PROSER2: variants seen among roughly 807,000 people sequenced by gnomAD.
The protein encoded by PROSER2 is proline and serine-rich protein 2.
In PROSER2, 18 loss-of-function variants were observed where a neutral mutation model predicts 14.6. The observed-to-expected ratio is 1.23, with a 90% confidence interval of 0.85 to 1.83. The LOEUF (loss-of-function observed/expected upper bound fraction) is 1.83, where lower values mean the gene tolerates loss of function less well. Among genes scored for constraint, PROSER2 ranks in the 40% most tolerant of loss-of-function variants. The pLI, the probability that PROSER2 is intolerant of heterozygous loss-of-function variation, is 0.00. For missense variants in PROSER2, 823 were observed against 629.8 expected, an observed-to-expected ratio of 1.31 and a Z score of -3.28; for synonymous variants, 367 against 286.4, an observed-to-expected ratio of 1.28 and a Z score of -2.84.
At chr10:11,842,931 CTTTTTTTTT>C (rs558283551) in intron 1 of PROSER2, among the ~76,000 whole-genome samples, 11 of 51,960 alleles carry the variant, frequency 2.1e-4, no homozygotes, top group East Asian at 1.1e-3. Flanking sequence ...TGCCATTGTT[CTTTTTTTTT>C]TTTTTTTTTT....
chr10:11,846,090 G>A (rs1353237137), intron 1 of PROSER2, among the ~76,000 whole-genome samples: 1 of 152,064 alleles, frequency 6.6e-6, no homozygotes, highest in Admixed American at 6.6e-5. Context: ...GGTTTCAAGC[G>A]ACCCTCCTGC....
intron 1 of PROSER2, among the ~76,000 whole-genome samples, chr10:11,843,410 G>A (rs1315794962): frequency 1.3e-5 from 2 of 150,230 alleles, no homozygotes. Context: ...AAAAAAGGCC[G>A]GGTGCGGTGG....
In PROSER2 at chr10:11,869,994, CG is replaced by C; in HGVS notation, c.901del (p.Asp301ThrfsTer52). The C allele has an allele frequency of 7.9e-7, 1 of 1,260,066 alleles. No individual in the cohort carries two copies. The allele number at this position is 1,260,066 out of a possible 1,614,324, so 78.1% of individuals were successfully genotyped here. On this transcript the variant is annotated frameshift_variant, in exon 4 of 4. Transcript: ENST00000277570. LOFTEE classifies it low-confidence loss of function (END_TRUNC). The surrounding 1 kb of genome is among the most constrained non-coding windows in gnomAD (Gnocchi z 4.4). ...IHGHAGAFPAAGDAGEGAPGG... is the reference protein window; with the variant it reads ...IHGHAGAFPAXGDAGEGAPGG... ...GGCCACGCCGGCGCCTTCCCCGCCG[CG>C]GGGGACGCCGGCGAGGGGGCCCCAG...
chr10:11,870,089 G>T lies in PROSER2; in HGVS notation c.991G>T (p.Ala331Ser), dbSNP rs1834446558. Residue 331 changes from alanine to serine, a missense_variant, in exon 4 of 4, where the codon GCA (alanine) becomes TCA (serine). Ala to Ser is a moderately conservative substitution (Grantham distance 99). Coordinates refer to ENST00000277570, the MANE Select transcript of PROSER2 (RefSeq NM_153256.4). ...GCCGGGCCCCGCTGAGAGTCTCCGGGCAGGGGGTCAGGCTCCGCGGGGCCC... is the reference window on the plus strand; with the variant it reads ...GCCGGGCCCCGCTGAGAGTCTCCGGTCAGGGGGTCAGGCTCCGCGGGGCCC... ...GLPGPAESLR[A>S]GGQAPRGPAL... 8 of 1,295,254 alleles carry T rather than the reference G, an allele frequency of 6.2e-6. No individual in the cohort carries two copies. The highest frequency in any genetic ancestry group is 4.3e-5 in the Admixed American group (1 of 23,482). The allele number at this position is 1,295,254 out of a possible 1,614,324, so 80.2% of individuals were successfully genotyped here.
chr10:11,829,071 C>T (rs886404842), intron 1 of PROSER2, among the ~76,000 whole-genome samples: 1 of 151,898 alleles, frequency 6.6e-6, no homozygotes, highest in African/African-American at 2.4e-5. Context: ...CATGGACCAG[C>T]GAAGCTTTCT....
rs971415533 is a variant in PROSER2, at chr10:11,866,047, G to C, written c.139-484G>C. On this transcript the variant is annotated intron_variant, in intron 2 of 3. Coordinates refer to ENST00000277570, the MANE Select transcript of PROSER2 (RefSeq NM_153256.4). The surrounding 1 kb of genome is among the most constrained non-coding windows in gnomAD (Gnocchi z 6.0). ...TCTTCAGGTTCCCCAAAGATGATGC[G>C]TGCTCCACCATCTCTCTTCCTGTTA... 6.6e-6 allele frequency among the ~76,000 whole-genome samples: 1 copy of C among 151,992 alleles called. No individual in the cohort carries two copies. Among genetic ancestry groups the C allele is most frequent in the African/African-American group, 2.4e-5 (1 of 41,362 alleles).
Position 11,830,712 on chromosome 10 carries a change from G to T in PROSER2, c.-82+7242G>T, listed in dbSNP as rs558189355. 6.6e-6 allele frequency among the ~76,000 whole-genome samples: 1 copy of T among 152,356 alleles called. No individual in the cohort carries two copies. Among genetic ancestry groups the T allele is most frequent in the African/African-American group, 2.4e-5 (1 of 41,580 alleles). ...TTCTGAAAATAGTAACATGGGAACT[G>T]TTAGTTGGAATCTTCCAGTTTTTTC... On this transcript the variant is annotated intron_variant, in intron 1 of 3. Coordinates refer to ENST00000277570, the MANE Select transcript of PROSER2 (RefSeq NM_153256.4). This position sits in a 1 kb window ranked among gnomAD's most constrained non-coding sequence, Gnocchi z 4.5.
chr10:11,868,942 C>T (rs1009495223), intron 3 of PROSER2, among the ~76,000 whole-genome samples: 8 of 152,222 alleles, frequency 5.3e-5, no homozygotes, highest in Non-Finnish European at 7.3e-5. Flanking sequence ...CGAGCCACCG[C>T]GCCCGGCCCA....
Position 11,869,347 on chromosome 10 carries a change from G to A in PROSER2, c.392-143G>A. ...CTCCTTCCCTAGTCCCAGGAACAGGGAGAGAGGAGTTGACTCACAGGCAGC... is the reference window on the plus strand; with the variant it reads ...CTCCTTCCCTAGTCCCAGGAACAGGAAGAGAGGAGTTGACTCACAGGCAGC... On this transcript the variant is annotated intron_variant, in intron 3 of 3. Transcript: ENST00000277570. The surrounding 1 kb of genome is among the most constrained non-coding windows in gnomAD (Gnocchi z 4.4). 1 of 648,560 alleles carries A rather than the reference G, an allele frequency of 1.5e-6. No homozygotes were observed. Among genetic ancestry groups the A allele is most frequent in the Non-Finnish European group, 2.8e-6 (1 of 356,960 alleles). The allele number at this position is 648,560 out of a possible 1,614,324, so 40.2% of individuals were successfully genotyped here. A position where few individuals can be genotyped will look rare whatever the true frequency, so the allele number is the denominator to read the frequency against.
chr10:11,864,058 AG>A (rs1245763861), intron 2 of PROSER2, among the ~76,000 whole-genome samples: 2 of 152,146 alleles, frequency 1.3e-5, no homozygotes, highest in African/African-American at 4.8e-5. Context: ...CCGTGTTTAG[AG>A]GAACAGCTGC....
At chr10:11,851,872 C>A in intron 1 of PROSER2, 125 bp from the exon 2 acceptor site, 1 of 423,154 alleles carries the variant, frequency 2.4e-6, no homozygotes, top group Non-Finnish European at 4.0e-6. Flanking sequence ...TAGCGTTTCC[C>A]AATCGCCTTT....
At chr10:11,832,372 G>T (rs776632188) in intron 1 of PROSER2, among the ~76,000 whole-genome samples, 9 of 152,138 alleles carry the variant, frequency 5.9e-5, no homozygotes, top group Non-Finnish European at 1.0e-4. Flanking sequence ...CTAAAGAGTA[G>T]TTGCTTCATA....
In PROSER2 at chr10:11,869,321, T is replaced by G. The variant is rs1433473419; in HGVS notation, c.392-169T>G. The stretch of plus-strand genomic sequence containing the variant: ...AGGTCATGAGCATGACATACCACCT[T>G]CTCCTTCCCTAGTCCCAGGAACAGG... On this transcript the variant is annotated intron_variant, in intron 3 of 3. Transcript: ENST00000277570. The surrounding 1 kb of genome is among the most constrained non-coding windows in gnomAD (Gnocchi z 4.4). 1 of 621,634 alleles carries G rather than the reference T, an allele frequency of 1.6e-6. No individual in the cohort carries two copies. The highest frequency in any genetic ancestry group is 2.9e-6 in the Non-Finnish European group (1 of 345,684). The allele number at this position is 621,634 out of a possible 1,614,324, so 38.5% of individuals were successfully genotyped here.
intron 1 of PROSER2, among the ~76,000 whole-genome samples, chr10:11,847,182 T>C (rs1007526298): frequency 2.0e-5 from 3 of 147,116 alleles, no homozygotes; most frequent in Non-Finnish European, 3.0e-5. Flanking sequence ...TATATATATA[T>C]ATGAATCCAA....
At chr10:11,857,368 T>G (rs1339704540) in intron 2 of PROSER2, 2 of 152,232 alleles carry the variant, frequency 1.3e-5, no homozygotes, top group African/African-American at 4.8e-5. Context: ...TCATTCTTCA[T>G]GGGTTTGGGT....
At chr10:11,832,944 G>A (rs1027169823) in intron 1 of PROSER2, among the ~76,000 whole-genome samples, 2 of 152,026 alleles carry the variant, frequency 1.3e-5, no homozygotes, top group Admixed American at 6.6e-5. Flanking sequence ...CCAAATTCAA[G>A]CAATTATCCC....
intron 2 of PROSER2, among the ~76,000 whole-genome samples, chr10:11,859,657 G>C (rs1470505740): frequency 6.6e-6 from 1 of 152,146 alleles, no homozygotes; most frequent in South Asian, 2.1e-4. Context: ...CTCCACTGCG[G>C]GCTCCAGCTC....
At chr10:11,840,796 A>T (rs1342315678) in intron 1 of PROSER2, among the ~76,000 whole-genome samples, 1 of 151,262 alleles carries the variant, frequency 6.6e-6, no homozygotes, top group African/African-American at 2.4e-5. Flanking sequence ...GTGGTGGCTC[A>T]TGCCTGTAAT....
chr10:11,829,249 CAATTGTCG>C (rs1833657376), intron 1 of PROSER2, among the ~76,000 whole-genome samples: 1 of 151,536 alleles, frequency 6.6e-6, no homozygotes, highest in South Asian at 2.1e-4. Context: ...CTGGGCATGT[CAATTGTCG>C]AATTGAATTT....
Sources: gnomAD v4.1 joint callset for allele counts (sites outside exome capture counted in the v4.1 genomes callset) on GRCh38, gnomAD v4.1.1 for gene constraint, Gnocchi (gnomAD v3.1) non-coding constraint, MANE v1.5 for transcripts, NCBI Gene and HGNC (gene_info 2026-07-23, HGNC 2026-07-21) for gene names.